Variants in LRRC8A observed in about 807,000 individuals in gnomAD.
LRRC8A encodes the protein volume-regulated anion channel subunit LRRC8A.
LRRC8A carries 24 observed loss-of-function variants against 52.5 expected under a neutral mutation model. The observed-to-expected ratio is 0.46, with a 90% CI of 0.33 to 0.64. The LOEUF (loss-of-function observed/expected upper bound fraction) is 0.64, where lower values mean the gene tolerates loss of function less well. Ranked by LOEUF, LRRC8A falls within the 30% of genes least tolerant of loss-of-function variation. The pLI is 0.02. For missense variants in LRRC8A, 677 were observed against 1,094.7 expected (o/e 0.62, Z 5.38); for synonymous variants, 492 against 494.2 (o/e 1.00, Z 0.06).
chr9:128,904,558 A>G (rs1840157777), intron 2 of LRRC8A, among the ~76,000 whole-genome samples: 2 of 152,020 alleles, frequency 1.3e-5, no homozygotes, highest in Admixed American at 6.6e-5. Context: ...ATTCTAATAC[A>G]CAGAAAGGGC....
chr9:128,897,513 T>C (rs1839862889), intron 2 of LRRC8A, among the ~76,000 whole-genome samples: 2 of 151,910 alleles, frequency 1.3e-5, no homozygotes, highest in African/African-American at 2.4e-5. Context: ...CGGCCTGTCT[T>C]AGCTATTCTT....
intron 2 of LRRC8A, among the ~76,000 whole-genome samples, 157 bp from the exon 3 acceptor site, chr9:128,907,000 G>T (rs551373019): frequency 6.6e-6 from 1 of 152,212 alleles, no homozygotes; most frequent in Non-Finnish European, 1.5e-5. Flanking sequence ...GCTGATAAGT[G>T]GGCTGCCCCG....
chr9:128,916,039 G>T lies in LRRC8A; in HGVS notation c.2158-57G>T. The T allele has an allele frequency of 6.5e-7, 1 of 1,539,706 alleles. No homozygotes were observed. ...TGGGGAGAGAGGGAAGGGAAGCCCA[G>T]AGGCCCCGTCCAAGCCCACACCCAC... is the stretch of plus-strand genomic sequence containing the variant. On this transcript the variant is annotated intron_variant, in intron 3 of 3. Transcript: ENST00000372600. This position sits in a 1 kb window ranked among gnomAD's most constrained non-coding sequence, Gnocchi z 6.1.
At chr9:128,904,856 G>A (rs1218664522) in intron 2 of LRRC8A, among the ~76,000 whole-genome samples, 1 of 151,954 alleles carries the variant, frequency 6.6e-6, no homozygotes, top group Non-Finnish European at 1.5e-5. Flanking sequence ...AATTAGCCGG[G>A]TGTGGTGGGC....
chr9:128,902,216 C>A lies in LRRC8A; in HGVS notation c.-8-4941C>A, dbSNP rs1464752428. Among the ~76,000 whole-genome samples, 6 of 152,174 alleles carry A rather than the reference C, an allele frequency of 3.9e-5. No individual in the cohort carries two copies. The highest frequency in any genetic ancestry group is 2.6e-4 in the Admixed American group (4 of 15,282). On this transcript the variant is annotated intron_variant, in intron 2 of 3. Coordinates refer to ENST00000372600, the MANE Select transcript of LRRC8A (RefSeq NM_019594.4). The surrounding 1 kb of genome is among the most constrained non-coding windows in gnomAD (Gnocchi z 4.1). ...CACCTTGATCATTTTTTTTTACCCC[C>A]GCTGGACCTAGCCAAGGGCTGAACA...
At chr9:128,913,094 A>G (rs931570351) in intron 3 of LRRC8A, among the ~76,000 whole-genome samples, 1 of 152,100 alleles carries the variant, frequency 6.6e-6, no homozygotes, top group African/African-American at 2.4e-5. Flanking sequence ...CTCACTGTGG[A>G]GAGCAGAGAG....
chr9:128,899,106 C>T lies in LRRC8A; in HGVS notation c.-8-8051C>T, dbSNP rs1839931066. On this transcript the variant is annotated intron_variant, in intron 2 of 3. Transcript: ENST00000372600. The surrounding 1 kb of genome is among the most constrained non-coding windows in gnomAD (Gnocchi z 4.0). ...GGAGGAGTCCAGGCTGGGCAGAGGC[C>T]TGGGCGCACCCACCCCTTGGCCCAT... is the stretch of plus-strand genomic sequence containing the variant. 6.6e-6 allele frequency among the ~76,000 whole-genome samples: 1 copy of T among 152,180 alleles called. No homozygotes were observed. The highest frequency in any genetic ancestry group is 1.5e-5 in the Non-Finnish European group (1 of 68,024).
At chr9:128,901,470 A>T (rs11999269) in intron 2 of LRRC8A, among the ~76,000 whole-genome samples, 8,209 of 151,438 alleles carry the variant, frequency 0.054, 259 homozygotes, top group African/African-American at 0.091. Context: ...CAAAAAAAAA[A>T]TTTTTTTTTA....
intron 2 of LRRC8A, among the ~76,000 whole-genome samples, chr9:128,901,794 G>C (rs1840036374): frequency 1.3e-5 from 2 of 152,142 alleles, no homozygotes; most frequent in African/African-American, 4.8e-5. Context: ...GAGGGAGCCT[G>C]CCCCTGTAGG....
In LRRC8A at chr9:128,890,881, C is replaced by T. The variant is rs544869723; in HGVS notation, c.-9+4760C>T. 1.6e-3 allele frequency among the ~76,000 whole-genome samples: 245 copies of T among 152,262 alleles called. 1 individual carries two copies. The highest frequency in any genetic ancestry group is 3.1e-3 in the Non-Finnish European group (214 of 68,008). ...GCCAACAAACGTTGGCTGGACGTGGCGGTTCCCACCAGTAATCCCAGCACT... is the reference window on the plus strand; with the variant it reads ...GCCAACAAACGTTGGCTGGACGTGGTGGTTCCCACCAGTAATCCCAGCACT... On this transcript the variant is annotated intron_variant, in intron 2 of 3. Coordinates refer to ENST00000372600, the MANE Select transcript of LRRC8A (RefSeq NM_019594.4).
At chr9:128,903,064 T>G (rs1186577946) in intron 2 of LRRC8A, among the ~76,000 whole-genome samples, 1 of 152,194 alleles carries the variant, frequency 6.6e-6, no homozygotes, top group African/African-American at 2.4e-5. Flanking sequence ...GGGACAGGCC[T>G]GCTGGGTTTG....
chr9:128,888,004 C>T (rs192208992), intron 2 of LRRC8A, among the ~76,000 whole-genome samples: 126 of 152,274 alleles, frequency 8.3e-4, no homozygotes, highest in Admixed American at 1.7e-3. Flanking sequence ...GCAGAATGCA[C>T]ACCCTTGAGC....
chr9:128,911,030 A>G lies in LRRC8A; in HGVS notation c.2157+1709A>G, dbSNP rs1352520239. Among the ~76,000 whole-genome samples, 1 of 151,966 alleles carries G rather than the reference A, an allele frequency of 6.6e-6. No homozygotes were observed. The highest frequency in any genetic ancestry group is 6.6e-5 in the Admixed American group (1 of 15,248). ...TCCACCAACCTGCTGAGTCCTCCCA[A>G]CAGGGTCTGTCTATAGCATCCTCAG... On this transcript the variant is annotated intron_variant, in intron 3 of 3. Transcript: ENST00000372600. This position sits in a 1 kb window ranked among gnomAD's most constrained non-coding sequence, Gnocchi z 4.9.
chr9:128,885,549 G>A (rs1330580313), intron 1 of LRRC8A, among the ~76,000 whole-genome samples: 1 of 152,174 alleles, frequency 6.6e-6, no homozygotes, highest in Non-Finnish European at 1.5e-5. Flanking sequence ...TGAGCTCTCA[G>A]ACCGTCGCTA....
rs1425654431 is a variant in LRRC8A, at chr9:128,908,978, G to A, written c.1814G>A (p.Arg605His). 1.9e-6 allele frequency: 3 copies of A among 1,613,938 alleles called. No individual in the cohort carries two copies. The highest frequency in any genetic ancestry group is 1.7e-6 in the Non-Finnish European group (2 of 1,180,040). Residue 605 changes from arginine (R) to histidine (H), a missense_variant, in exon 3 of 4, where the codon CGC (arginine) becomes CAC (histidine). Transcript: ENST00000372600. ...ELELIRCDLE[R>H]IPHSIFSLHN... is the part of the protein sequence containing the mutation. ...GAGCTGATCCGCTGTGACCTGGAGCGCATCCCCCACTCCATCTTCAGCCTC... is the reference window on the plus strand; with the variant it reads ...GAGCTGATCCGCTGTGACCTGGAGCACATCCCCCACTCCATCTTCAGCCTC...
At chr9:128,882,641 C>G in intron 1 of LRRC8A, 1 of 399,092 alleles carries the variant, frequency 2.5e-6, no homozygotes, top group Non-Finnish European at 4.4e-6. Context: ...CTTGCCATTT[C>G]TTTTTCAAAG....
intron 3 of LRRC8A, among the ~76,000 whole-genome samples, chr9:128,912,590 C>T (rs1840604893): frequency 6.6e-6 from 1 of 152,180 alleles, no homozygotes; most frequent in South Asian, 2.1e-4. Flanking sequence ...GATCCCTTGC[C>T]AGCCCATAGG....
chr9:128,905,529 G>C (rs1840211891), intron 2 of LRRC8A, among the ~76,000 whole-genome samples: 1 of 152,102 alleles, frequency 6.6e-6, no homozygotes, highest in African/African-American at 2.4e-5. Flanking sequence ...AATCATTAGA[G>C]TCACCAAAGT....
In LRRC8A at chr9:128,907,801, C is replaced by T; in HGVS notation, c.637C>T (p.Gln213Ter). 1 of 1,614,004 alleles carries T rather than the reference C, an allele frequency of 6.2e-7. No homozygotes were observed. The highest frequency in any genetic ancestry group is 8.5e-7 in the Non-Finnish European group (1 of 1,179,990). The change falls in exon 3 of 4, where the codon CAG becomes TAG. Residue 213 changes from glutamine to a stop codon, truncating the protein, a stop_gained. Transcript: ENST00000372600. LOFTEE classifies it high-confidence loss of function. This position sits in a 1 kb window ranked among gnomAD's most constrained non-coding sequence, Gnocchi z 9.3. ...EDVEATVPML[Q>*]RTKSRIEQGI... ...CGTGGAGGCCACCGTGCCCATGCTG[C>T]AGCGGACCAAGTCACGGATCGAGCA...
Sources: allele counts gnomAD v4.1 joint callset (sites outside exome capture counted in the v4.1 genomes callset), GRCh38; gene constraint gnomAD v4.1.1; non-coding constraint Gnocchi (gnomAD v3.1); transcripts MANE v1.5; gene names NCBI Gene and HGNC (gene_info 2026-07-23, HGNC 2026-07-21).